The following WWOX variants were observed in gnomAD, a reference collection of about 807,000 sequenced individuals.
WWOX encodes the protein WW domain-containing oxidoreductase.
A neutral mutation model predicts 46.2 loss-of-function variants in WWOX; 69 were observed. The ratio of observed to expected loss-of-function variants is 1.49; its 90% CI spans 1.23 to 1.82. WWOX has a LOEUF of 1.82. WWOX is among the 40% of genes most tolerant of loss of function. WWOX has a pLI of 0.00. For missense variants in WWOX, 919 were observed against 542.6 expected (o/e 1.69, Z -6.89); for synonymous variants, 359 against 202.6 (o/e 1.77, Z -6.56).
chr16:78,506,693 GT>G (rs1567611910), intron 8 of WWOX: 4 of 126,736 alleles, frequency 3.2e-5, no homozygotes, highest in Non-Finnish European at 6.5e-5. Flanking sequence ...ACCTTTTTGT[GT>G]GTTTTTTTTT....
At chr16:78,626,325 A>G (rs184386768) in intron 8 of WWOX, among the ~76,000 whole-genome samples, 1 of 152,026 alleles carries the variant, frequency 6.6e-6, no homozygotes, top group Admixed American at 6.5e-5. Context: ...ATTTTATTTA[A>G]TTGTCAGGTC....
chr16:78,188,432 G>C (rs1189869628), intron 5 of WWOX, among the ~76,000 whole-genome samples: 1 of 150,512 alleles, frequency 6.6e-6, no homozygotes, highest in Non-Finnish European at 1.5e-5. Context: ...AGATTGCAGT[G>C]AGCTGGGATT....
At chr16:78,364,582 T>G (rs547088677) in intron 5 of WWOX, among the ~76,000 whole-genome samples, 61 of 152,148 alleles carry the variant, frequency 4.0e-4, no homozygotes, top group African/African-American at 1.4e-3. Flanking sequence ...AAAAAAAAAT[T>G]TGTGGTTACA....
chr16:78,907,934 C>T (rs1257355478), intron 8 of WWOX, among the ~76,000 whole-genome samples: 1 of 152,140 alleles, frequency 6.6e-6, no homozygotes, highest in African/African-American at 2.4e-5. Context: ...CCCCAGTGAA[C>T]AGATGAGAAA....
At chr16:78,146,265 G>C (rs2034194070) in intron 4 of WWOX, among the ~76,000 whole-genome samples, 1 of 152,120 alleles carries the variant, frequency 6.6e-6, no homozygotes, top group Non-Finnish European at 1.5e-5. Context: ...GGAATCCTCT[G>C]TTAGGGTTCC....
chr16:78,448,069 G>T lies in WWOX; in HGVS notation c.1056+15317G>T, dbSNP rs979115867. ...TCTGCCTGCCTCAGCCTCCCGATGT[G>T]TTGGGATTACAGGTGTGAACCACTG... On this transcript the variant is annotated intron_variant, in intron 8 of 8. Transcript: ENST00000566780. Among the ~76,000 whole-genome samples the T allele has an allele frequency of 3.9e-5, 6 of 152,164 alleles. No homozygotes were observed. The South Asian group carries it at 1.2e-3, about 32-fold the overall frequency.
At chr16:78,581,019 C>T (rs1055966311) in intron 8 of WWOX, among the ~76,000 whole-genome samples, 1 of 152,000 alleles carries the variant, frequency 6.6e-6, no homozygotes, top group Non-Finnish European at 1.5e-5. Flanking sequence ...TATTAAATGA[C>T]TTTAATCATA....
rs777559816 is a variant in WWOX, at chr16:78,348,964, C to T, written c.517-37896C>T. Reference sequence around the variant, plus strand: ...GAAAAGAGGAAGTCTGAACGAGGGCCACATTGCAGATAGAGGCCGGTGTAC... The same window carrying T: ...GAAAAGAGGAAGTCTGAACGAGGGCTACATTGCAGATAGAGGCCGGTGTAC... On this transcript the variant is annotated intron_variant, in intron 5 of 8. Transcript: ENST00000566780. Among the ~76,000 whole-genome samples the T allele has an allele frequency of 6.6e-5, 8 of 120,520 alleles. 3 individuals are homozygous for T. Among genetic ancestry groups the T allele is most frequent in the Non-Finnish European group, 1.4e-4 (7 of 50,602 alleles). The allele number at this position is 120,520 out of a possible 152,430, so 79.1% of individuals were successfully genotyped here.
At chr16:78,250,331 A>C (rs2037950975) in intron 5 of WWOX, among the ~76,000 whole-genome samples, 1 of 152,158 alleles carries the variant, frequency 6.6e-6, no homozygotes, top group South Asian at 2.1e-4. Flanking sequence ...GCTCCTTTCT[A>C]GCTGTGTAAC....
chr16:78,738,946 A>C (rs375652514), intron 8 of WWOX, among the ~76,000 whole-genome samples: 8 of 152,234 alleles, frequency 5.3e-5, no homozygotes, highest in African/African-American at 1.9e-4. Flanking sequence ...CCTAAATGCA[A>C]CTTCTCATGC....
chr16:78,843,257 G>A (rs1173005346), intron 8 of WWOX, among the ~76,000 whole-genome samples: 1 of 150,138 alleles, frequency 6.7e-6, no homozygotes, highest in African/African-American at 2.4e-5. Context: ...TCATGAGCTT[G>A]TACCTCTAAA....
chr16:79,068,860 AAT>A (rs1475870231), intron 8 of WWOX, among the ~76,000 whole-genome samples: 2 of 147,794 alleles, frequency 1.4e-5, no homozygotes, highest in Non-Finnish European at 3.0e-5. Context: ...TAATAATAAT[AAT>A]AAAGAAAGCG....
At chr16:78,414,508 G>T (rs1293058330) in intron 6 of WWOX, among the ~76,000 whole-genome samples, 3 of 152,208 alleles carry the variant, frequency 2.0e-5, no homozygotes, top group Non-Finnish European at 4.4e-5. Context: ...GGAGGAGATT[G>T]CAGTGAGCCA....
chr16:78,841,972 G>T (rs1418302148), intron 8 of WWOX, among the ~76,000 whole-genome samples: 1 of 152,118 alleles, frequency 6.6e-6, no homozygotes. Flanking sequence ...GGGACACCCA[G>T]CTATTCTCTG....
At chr16:79,037,505 G>A (rs62040107) in intron 8 of WWOX, among the ~76,000 whole-genome samples, 7,970 of 152,152 alleles carry the variant, frequency 0.052, 270 homozygotes, top group South Asian at 0.15. Context: ...CTAGGACTCA[G>A]CAGCTGTCAC....
chr16:78,522,952 A>C (rs2043381566), intron 8 of WWOX, among the ~76,000 whole-genome samples: 1 of 152,168 alleles, frequency 6.6e-6, no homozygotes, highest in African/African-American at 2.4e-5. Context: ...TGTGCCTGTA[A>C]TCCCAGCTAC....
At chr16:78,132,355 A>T (rs1010320294) in intron 4 of WWOX, among the ~76,000 whole-genome samples, 4 of 152,124 alleles carry the variant, frequency 2.6e-5, no homozygotes, top group African/African-American at 9.7e-5. Flanking sequence ...ATTTCCAATT[A>T]TGCATCTTCT....
chr16:78,198,429 C>T (rs1423574033), intron 5 of WWOX, among the ~76,000 whole-genome samples: 2 of 152,188 alleles, frequency 1.3e-5, no homozygotes, highest in Admixed American at 6.5e-5. Context: ...GCAATGGCCT[C>T]TCACCCTTCC....
At chr16:78,667,668 C>T (rs952504172) in intron 8 of WWOX, among the ~76,000 whole-genome samples, 2 of 83,954 alleles carry the variant, frequency 2.4e-5, no homozygotes, top group Non-Finnish European at 4.0e-5. Context: ...GAGACTCCGT[C>T]TCAAAAAAAA....
Sources: allele counts gnomAD v4.1 joint callset (sites outside exome capture counted in the v4.1 genomes callset), GRCh38; gene constraint gnomAD v4.1.1; transcripts MANE v1.5; gene names NCBI Gene and HGNC (gene_info 2026-07-23, HGNC 2026-07-21).